PCLO: variants seen among roughly 807,000 people sequenced by gnomAD.
PCLO encodes piccolo presynaptic cytomatrix protein.
PCLO carries 82 observed loss-of-function variants against 427.5 expected under a neutral mutation model. The ratio of observed to expected loss-of-function variants is 0.19; its 90% CI spans 0.16 to 0.23. PCLO has a LOEUF of 0.23. Ranked by LOEUF, PCLO falls within the 10% of genes least tolerant of loss-of-function variation. PCLO has a pLI of 1.00. For synonymous variants in PCLO, 2,357 were observed against 2,155.4 expected (o/e 1.09, Z -2.59); for missense variants, 6,239 against 6,115.9 (o/e 1.02, Z -0.67).
At chr7:82,941,505 T>C (rs182018984) in intron 6 of PCLO, among the ~76,000 whole-genome samples, 4 of 152,288 alleles carry the variant, frequency 2.6e-5, no homozygotes, top group Non-Finnish European at 5.9e-5. Flanking sequence ...AGGACACTGA[T>C]GTGGGCTTCA....
chr7:82,879,543 G>T, intron 9 of PCLO, 81 bp from the exon 10 acceptor site: 1 of 1,021,736 alleles, frequency 9.8e-7, no homozygotes, highest in Non-Finnish European at 1.4e-6. Flanking sequence ...AGCACAAAAA[G>T]TAGGTCTGGT....
intron 9 of PCLO, among the ~76,000 whole-genome samples, chr7:82,891,641 T>C (rs1231903987): frequency 6.6e-6 from 1 of 152,150 alleles, no homozygotes; most frequent in Non-Finnish European, 1.5e-5. Flanking sequence ...CTTCCAGTTT[T>C]TGCCCATTCA....
intron 6 of PCLO, 29 bp downstream of exon 6, chr7:82,949,447 G>T: frequency 6.7e-7 from 1 of 1,492,460 alleles, no homozygotes; most frequent in Non-Finnish European, 9.1e-7. Context: ...CTCATCCATT[G>T]CCTTCCAACT....
At chr7:83,130,317 C>G (rs1269549987) in intron 3 of PCLO, among the ~76,000 whole-genome samples, 1 of 152,064 alleles carries the variant, frequency 6.6e-6, no homozygotes, top group Non-Finnish European at 1.5e-5. Flanking sequence ...GTAGCTAGGA[C>G]TACAGGCATG....
chr7:83,134,742 T>G lies in PCLO; in HGVS notation c.2808A>C (p.Ala936=). ...AATTTGATGCCTGGCTGAAGATTGA[T>G]GCTCCAAACCCAAAGAGTTTCCCAG... The part of the protein sequence containing the change: ...TVTGKLFGFG[A]SIFSQASNLI... The change falls in exon 3 of 25, where the codon GCA becomes GCC. Residue 936 remains alanine (A), a synonymous_variant. Coordinates refer to ENST00000333891, the MANE Select transcript of PCLO (RefSeq NM_033026.6). The G allele has an allele frequency of 6.2e-7, 1 of 1,613,952 alleles. No homozygotes were observed. Among genetic ancestry groups the G allele is most frequent in the Non-Finnish European group, 8.5e-7 (1 of 1,179,874 alleles).
chr7:82,760,943 C>CTTTTTTT lies in PCLO; in HGVS notation c.15143-166_15143-160dup, dbSNP rs767222339. ...AACATAAAATGATTAAAAGATATGT[C>CTTTTTTT]TTTTTTTTTTTTTTTTTTTTTTTTT... On this transcript the variant is annotated intron_variant, in intron 23 of 24. Coordinates refer to ENST00000333891, the MANE Select transcript of PCLO (RefSeq NM_033026.6). 1.5e-3 allele frequency among the ~76,000 whole-genome samples: 92 copies of CTTTTTTT among 60,398 alleles called. 3 individuals carry two copies. The highest frequency in any genetic ancestry group is 5.5e-3 in the African/African-American group (85 of 15,342). The allele number at this position is 60,398 out of a possible 152,430, so 39.6% of individuals were successfully genotyped here. A position where few individuals can be genotyped will look rare whatever the true frequency, so the allele number is the denominator to read the frequency against.
At chr7:83,035,869 A>G (rs991212098) in intron 3 of PCLO, among the ~76,000 whole-genome samples, 5 of 152,128 alleles carry the variant, frequency 3.3e-5, no homozygotes, top group African/African-American at 1.2e-4. Flanking sequence ...GTAACTCCAC[A>G]AGGTTAGCCC....
At chr7:82,999,366 T>C (rs1425042733) in intron 3 of PCLO, among the ~76,000 whole-genome samples, 2 of 129,848 alleles carry the variant, frequency 1.5e-5, no homozygotes, top group African/African-American at 5.8e-5. Context: ...ACTTTTTCCA[T>C]TATATATTAC....
intron 3 of PCLO, among the ~76,000 whole-genome samples, chr7:83,073,029 A>G (rs866919092): frequency 1.3e-5 from 2 of 151,672 alleles, no homozygotes; most frequent in South Asian, 2.1e-4. Flanking sequence ...TCAAAATTTC[A>G]TCTCCACCAT....
chr7:82,883,345 A>G (rs1793553864), intron 9 of PCLO, among the ~76,000 whole-genome samples: 1 of 152,166 alleles, frequency 6.6e-6, no homozygotes, highest in Non-Finnish European at 1.5e-5. Flanking sequence ...TTAATTTTAT[A>G]TTATTTCACT....
intron 3 of PCLO, among the ~76,000 whole-genome samples, chr7:83,090,241 GCCTATGTAACTA>G (rs1210399785): frequency 6.6e-6 from 1 of 152,186 alleles, no homozygotes; most frequent in Non-Finnish European, 1.5e-5. Flanking sequence ...GGCGGAGGTT[GCCTATGTAACTA>G]CCTATGTAAA....
chr7:82,994,466 T>C (rs1796448058), intron 3 of PCLO, among the ~76,000 whole-genome samples: 1 of 152,054 alleles, frequency 6.6e-6, no homozygotes, highest in Admixed American at 6.6e-5. Flanking sequence ...CTGAGGCTCT[T>C]GGGCAAAGGG....
chr7:82,934,794 T>C (rs967857897), intron 6 of PCLO, among the ~76,000 whole-genome samples: 2 of 151,690 alleles, frequency 1.3e-5, no homozygotes, highest in African/African-American at 4.8e-5. Flanking sequence ...TACATTTATT[T>C]CAAATGATAA....
intron 3 of PCLO, among the ~76,000 whole-genome samples, chr7:83,110,530 G>A (rs939034917): frequency 6.6e-6 from 1 of 151,782 alleles, no homozygotes; most frequent in Non-Finnish European, 1.5e-5. Flanking sequence ...TAACTCTCGG[G>A]TCATATGTTT....
At chr7:83,130,997 A>C (rs2116601343) in intron 3 of PCLO, among the ~76,000 whole-genome samples, 1 of 152,344 alleles carries the variant, frequency 6.6e-6, no homozygotes, top group Admixed American at 6.5e-5. Context: ...ACAATAAAAT[A>C]AATATCCATT....
At chr7:83,108,965 T>C (rs186549679) in intron 3 of PCLO, among the ~76,000 whole-genome samples, 26 of 152,090 alleles carry the variant, frequency 1.7e-4, no homozygotes, top group Admixed American at 1.1e-3. Flanking sequence ...TTGAAAATAA[T>C]GGCAAAAGCT....
intron 3 of PCLO, among the ~76,000 whole-genome samples, chr7:82,974,446 A>G (rs1795971523): frequency 2.0e-5 from 3 of 152,194 alleles, no homozygotes; most frequent in Admixed American, 6.5e-5. Flanking sequence ...GACAACTCCA[A>G]AGGCACAGCT....
intron 22 of PCLO, among the ~76,000 whole-genome samples, chr7:82,777,624 G>A (rs927435724): frequency 1.3e-5 from 2 of 152,060 alleles, no homozygotes; most frequent in Non-Finnish European, 2.9e-5. Context: ...CTTTGGCAAT[G>A]CTGACAAAAA....
chr7:83,032,009 A>C (rs1198112156), intron 3 of PCLO, among the ~76,000 whole-genome samples: 1 of 152,066 alleles, frequency 6.6e-6, no homozygotes, highest in African/African-American at 2.4e-5. Context: ...TAGATGTAGG[A>C]CTGGTTTTGT....
Sources: gnomAD v4.1 joint callset for allele counts (sites outside exome capture counted in the v4.1 genomes callset) on GRCh38, gnomAD v4.1.1 for gene constraint, MANE v1.5 for transcripts, NCBI Gene and HGNC (gene_info 2026-07-23, HGNC 2026-07-21) for gene names.